TUSC3: variants seen among roughly 807,000 people sequenced by gnomAD.
The protein encoded by TUSC3 is tumor suppressor candidate 3, also known as dolichyl-diphosphooligosaccharide--protein glycosyltransferase subunit TUSC3.
A neutral mutation model predicts 44.8 loss-of-function variants in TUSC3; 45 were observed. That is an observed-to-expected ratio of 1.00 (90% CI 0.79 to 1.29). The LOEUF (loss-of-function observed/expected upper bound fraction) is 1.29, where lower values mean the gene tolerates loss of function less well. TUSC3 is among the 50% of genes most tolerant of loss of function. The probability of loss-of-function intolerance (pLI) is 0.00; values close to 1 mark genes in which losing one functional copy is unlikely to be tolerated. For missense variants in TUSC3, 519 were observed against 437.9 expected (o/e 1.19, Z -1.65); for synonymous variants, 212 against 152.9 (o/e 1.39, Z -2.85).
chr8:15,480,986 G>A (rs1323286072), intron 1 of TUSC3, among the ~76,000 whole-genome samples: 4 of 152,188 alleles, frequency 2.6e-5, no homozygotes, highest in Admixed American at 6.5e-5. Context: ...GGTGGCTCAC[G>A]CCTGTAATTC....
intron 1 of TUSC3, among the ~76,000 whole-genome samples, chr8:15,443,749 G>C (rs1800053663): frequency 6.6e-6 from 1 of 152,136 alleles, no homozygotes. Flanking sequence ...GAGTCACGCA[G>C]CTGGGCGCTA....
At chr8:15,567,082 T>G (rs1212598862) in intron 1 of TUSC3, among the ~76,000 whole-genome samples, 1 of 152,162 alleles carries the variant, frequency 6.6e-6, no homozygotes, top group Non-Finnish European at 1.5e-5. Flanking sequence ...TTAGTGATCT[T>G]GGTTAAGCCA....
At chr8:15,424,815 G>A (rs1193495937) in intron 1 of TUSC3, among the ~76,000 whole-genome samples, 1 of 152,000 alleles carries the variant, frequency 6.6e-6, no homozygotes, top group Non-Finnish European at 1.5e-5. Flanking sequence ...GGAGGCAGAG[G>A]TTGCAGTGAG....
At chr8:15,821,744 G>A in the TUSC3 span, among the ~76,000 whole-genome samples, 1 of 151,818 alleles carries the variant, frequency 6.6e-6, no homozygotes, top group African/African-American at 2.4e-5. Flanking sequence ...TTGCCTTAGA[G>A]AGCCCACAGA....
chr8:15,831,575 C>A, the TUSC3 span, among the ~76,000 whole-genome samples: 2 of 152,088 alleles, frequency 1.3e-5, no homozygotes, highest in African/African-American at 2.4e-5. Context: ...TGGGAACAGA[C>A]AGACAAAATA....
chr8:15,847,431 A>C, the TUSC3 span, among the ~76,000 whole-genome samples: 3 of 152,114 alleles, frequency 2.0e-5, no homozygotes, highest in Non-Finnish European at 4.4e-5. Context: ...GTTTGGGTTT[A>C]AATCCATTTA....
the TUSC3 span, among the ~76,000 whole-genome samples, chr8:15,822,711 T>C: frequency 6.6e-6 from 1 of 152,094 alleles, no homozygotes; most frequent in Non-Finnish European, 1.5e-5. Flanking sequence ...CTGTGAGGTA[T>C]GAAAAGCAGG....
At chr8:15,660,514 T>C (rs1412112687) in intron 4 of TUSC3, among the ~76,000 whole-genome samples, 2 of 151,982 alleles carry the variant, frequency 1.3e-5, no homozygotes, top group Non-Finnish European at 2.9e-5. Context: ...TTCTCACAAC[T>C]ACTTTTGACA....
At chr8:15,806,329 G>T in the TUSC3 span, 1 of 718,536 alleles carries the variant, frequency 1.4e-6, no homozygotes, top group Non-Finnish European at 2.6e-6. Context: ...CCTTCCCCCT[G>T]CTTCTTTATG....
intron 1 of TUSC3, among the ~76,000 whole-genome samples, chr8:15,451,674 AG>A (rs1453942784): frequency 3.9e-5 from 6 of 152,148 alleles, no homozygotes; most frequent in African/African-American, 1.4e-4. Context: ...AACCTGAGGA[AG>A]GGATAGTGGG....
intron 1 of TUSC3, among the ~76,000 whole-genome samples, chr8:15,561,267 G>A (rs1261951456): frequency 2.0e-5 from 3 of 147,550 alleles, no homozygotes; most frequent in African/African-American, 7.5e-5. Flanking sequence ...CCTGCAGTGT[G>A]AGGTGTCAGT....
the TUSC3 span, among the ~76,000 whole-genome samples, chr8:15,824,920 C>T: frequency 6.6e-6 from 1 of 152,184 alleles, no homozygotes; most frequent in Middle Eastern, 3.2e-3. Flanking sequence ...AATTCAGTTA[C>T]AGTGCTTTCC....
chr8:15,491,315 T>C (rs1348212577), intron 2 of TUSC3, among the ~76,000 whole-genome samples: 1 of 152,130 alleles, frequency 6.6e-6, no homozygotes, highest in Non-Finnish European at 1.5e-5. Context: ...CCACAAGGAA[T>C]TTCCCTGTGA....
At chr8:15,461,128 A>G (rs1488319066) in intron 1 of TUSC3, among the ~76,000 whole-genome samples, 3 of 151,072 alleles carry the variant, frequency 2.0e-5, no homozygotes, top group Admixed American at 6.6e-5. Context: ...CAGTATGGTC[A>G]TTTTCACAGT....
the TUSC3 span, among the ~76,000 whole-genome samples, chr8:15,805,905 T>C: frequency 6.6e-6 from 1 of 152,164 alleles, no homozygotes; most frequent in African/African-American, 2.4e-5. Flanking sequence ...TGGTACTACC[T>C]AGAGGATCAA....
chr8:15,522,391 CA>C (rs1352106900), intron 2 of TUSC3, among the ~76,000 whole-genome samples: 1 of 152,128 alleles, frequency 6.6e-6, no homozygotes, highest in Non-Finnish European at 1.5e-5. Flanking sequence ...CGCCAGCACA[CA>C]TGTCTAAATT....
chr8:15,458,620 A>T (rs989051144), intron 1 of TUSC3, among the ~76,000 whole-genome samples: 3 of 152,206 alleles, frequency 2.0e-5, no homozygotes, highest in African/African-American at 7.2e-5. Context: ...TTATGTACCA[A>T]TGATTAAGAT....
At chr8:15,806,573 C>T in the TUSC3 span, 20 of 1,461,860 alleles carry the variant, frequency 1.4e-5, no homozygotes, top group Non-Finnish European at 1.7e-5. Flanking sequence ...CATAACATCC[C>T]AGATACTATC....
At chr8:15,742,309 C>T (rs1323005176) in intron 7 of TUSC3, among the ~76,000 whole-genome samples, 1 of 147,168 alleles carries the variant, frequency 6.8e-6, no homozygotes, top group East Asian at 2.0e-4. Context: ...GAAAGGGTTC[C>T]AAAGCTAAAA....
Sources: gnomAD v4.1 joint callset for allele counts (sites outside exome capture counted in the v4.1 genomes callset) on GRCh38, gnomAD v4.1.1 for gene constraint, MANE v1.5 for transcripts, NCBI Gene and HGNC (gene_info 2026-07-23, HGNC 2026-07-21) for gene names.